Variants in GRM7 observed in about 807,000 individuals in gnomAD.
The protein encoded by GRM7 is metabotropic glutamate receptor 7.
In GRM7, 35 loss-of-function variants were observed where a neutral mutation model predicts 84.5. The observed-to-expected ratio is 0.41, with a 90% CI of 0.32 to 0.55. The LOEUF (loss-of-function observed/expected upper bound fraction) is 0.55, where lower values mean the gene tolerates loss of function less well. GRM7 is among the 20% of genes least tolerant of loss of function. The pLI, the probability that GRM7 is intolerant of heterozygous loss-of-function variation, is 0.19. For synonymous variants in GRM7, 487 were observed against 455.1 expected, an observed-to-expected ratio of 1.07 and a Z score of -0.89; for missense variants, 1,003 against 1,194.6, an observed-to-expected ratio of 0.84 and a Z score of 2.36.
At chr3:7,330,994 C>G (rs1192199037) in intron 4 of GRM7, among the ~76,000 whole-genome samples, 1 of 152,154 alleles carries the variant, frequency 6.6e-6, no homozygotes, top group African/African-American at 2.4e-5. Flanking sequence ...ACCCTGAGCC[C>G]CTGTAAGAGC....
chr3:7,516,737 C>T (rs1055252215), intron 7 of GRM7, among the ~76,000 whole-genome samples: 2 of 152,104 alleles, frequency 1.3e-5, no homozygotes, highest in African/African-American at 4.8e-5. Context: ...ATGGGGCACA[C>T]TGGCTAGTTC....
intron 1 of GRM7, among the ~76,000 whole-genome samples, chr3:6,895,055 G>A (rs542343923): frequency 6.6e-5 from 10 of 152,110 alleles, no homozygotes; most frequent in Non-Finnish European, 1.0e-4. Flanking sequence ...AAGAAAAGCC[G>A]CTCTTTCTGG....
chr3:7,013,056 G>A (rs1057350874), intron 1 of GRM7, among the ~76,000 whole-genome samples: 3 of 151,042 alleles, frequency 2.0e-5, no homozygotes, highest in African/African-American at 7.3e-5. Context: ...ACAACCCCCA[G>A]TTTTTTACCA....
chr3:6,968,199 T>G (rs989864644), intron 1 of GRM7, among the ~76,000 whole-genome samples: 1 of 152,202 alleles, frequency 6.6e-6, no homozygotes, highest in Non-Finnish European at 1.5e-5. Context: ...TAGCTTGTGA[T>G]AGTCTCTCGG....
chr3:6,978,797 T>G (rs1327183449), intron 1 of GRM7, among the ~76,000 whole-genome samples: 1 of 152,182 alleles, frequency 6.6e-6, no homozygotes, highest in African/African-American at 2.4e-5. Context: ...TGGAGATGTA[T>G]TAACCCAGGG....
At chr3:7,477,801 A>G (rs1267392655) in intron 7 of GRM7, among the ~76,000 whole-genome samples, 3 of 152,094 alleles carry the variant, frequency 2.0e-5, no homozygotes, top group Non-Finnish European at 2.9e-5. Flanking sequence ...TGAAGCCTGT[A>G]TCTCCAGTTA....
intron 1 of GRM7, among the ~76,000 whole-genome samples, chr3:6,952,351 T>G (rs1241823831): frequency 2.0e-5 from 3 of 152,176 alleles, no homozygotes; most frequent in African/African-American, 7.2e-5. Context: ...AACCTTGTTT[T>G]TTCTGATTTC....
chr3:7,662,467 A>C (rs1699508092), intron 8 of GRM7, among the ~76,000 whole-genome samples: 1 of 152,018 alleles, frequency 6.6e-6, no homozygotes, highest in Non-Finnish European at 1.5e-5. Flanking sequence ...AACCGAATGC[A>C]ATGTATGAAC....
At chr3:7,623,300 G>T (rs1315303270) in intron 8 of GRM7, among the ~76,000 whole-genome samples, 1 of 152,168 alleles carries the variant, frequency 6.6e-6, no homozygotes, top group Non-Finnish European at 1.5e-5. Context: ...AAGAGGGACA[G>T]AGACTGCTGG....
chr3:7,368,172 G>C (rs1693985790), intron 4 of GRM7, among the ~76,000 whole-genome samples: 1 of 151,922 alleles, frequency 6.6e-6, no homozygotes, highest in African/African-American at 2.4e-5. Flanking sequence ...CGGGAGATTG[G>C]TTTACAAAGA....
intron 1 of GRM7, among the ~76,000 whole-genome samples, chr3:7,127,755 T>G (rs1693449334): frequency 6.6e-6 from 1 of 152,146 alleles, no homozygotes; most frequent in Admixed American, 6.5e-5. Flanking sequence ...TAAAAGAAAC[T>G]GGTTTGGGAT....
intron 7 of GRM7, among the ~76,000 whole-genome samples, chr3:7,530,901 G>T (rs1050620301): frequency 6.6e-6 from 1 of 151,860 alleles, no homozygotes; most frequent in African/African-American, 2.4e-5. Flanking sequence ...TAGGTTGCCT[G>T]TTCACTCTGA....
chr3:7,118,018 T>A (rs1469683482), intron 1 of GRM7, among the ~76,000 whole-genome samples: 3 of 152,136 alleles, frequency 2.0e-5, no homozygotes, highest in Non-Finnish European at 4.4e-5. Flanking sequence ...TAACTATTAC[T>A]GTGAGTTACA....
intron 6 of GRM7, among the ~76,000 whole-genome samples, chr3:7,460,264 T>C (rs573185817): frequency 1.2e-4 from 19 of 152,262 alleles, no homozygotes; most frequent in African/African-American, 4.6e-4. Flanking sequence ...CATTGTTTTA[T>C]TTGCTTATAC....
intron 2 of GRM7, among the ~76,000 whole-genome samples, chr3:7,166,067 C>A (rs182505465): frequency 6.6e-6 from 1 of 152,212 alleles, no homozygotes; most frequent in African/African-American, 2.4e-5. Flanking sequence ...ATTGATTTGG[C>A]TAAGGGTTAT....
chr3:7,701,349 G>A (rs1399664846), intron 9 of GRM7, among the ~76,000 whole-genome samples: 1 of 134,272 alleles, frequency 7.4e-6, no homozygotes, highest in Admixed American at 8.6e-5. Flanking sequence ...CACACAGGCT[G>A]AAGTGCAGTG....
intron 4 of GRM7, among the ~76,000 whole-genome samples, chr3:7,337,356 A>G (rs2125073679): frequency 6.6e-6 from 1 of 152,264 alleles, no homozygotes; most frequent in East Asian, 1.9e-4. Flanking sequence ...AGCTTAGGCA[A>G]ATAGTTCGTG....
chr3:7,249,037 C>T (rs1261499187), intron 2 of GRM7, among the ~76,000 whole-genome samples: 2 of 152,096 alleles, frequency 1.3e-5, no homozygotes, highest in African/African-American at 2.4e-5. Flanking sequence ...TACATTAACT[C>T]GAGGACTTTA....
intron 1 of GRM7, among the ~76,000 whole-genome samples, chr3:7,116,456 AT>A (rs1179686700): frequency 1.3e-5 from 2 of 152,068 alleles, no homozygotes; most frequent in South Asian, 4.1e-4. Context: ...AAAGTCACAC[AT>A]TTTCATCCAA....
Sources: gnomAD v4.1 joint callset for allele counts (sites outside exome capture counted in the v4.1 genomes callset) on GRCh38, gnomAD v4.1.1 for gene constraint, MANE v1.5 for transcripts, NCBI Gene and HGNC (gene_info 2026-07-23, HGNC 2026-07-21) for gene names.